The following ZFP37 variants were observed in gnomAD, a reference collection of about 807,000 sequenced individuals.
The protein encoded by ZFP37 is zinc finger protein 37 homolog.
In ZFP37, 38 loss-of-function variants were observed where a neutral mutation model predicts 52.1. The observed-to-expected ratio is 0.73, with a 90% confidence interval of 0.56 to 0.96. The LOEUF (loss-of-function observed/expected upper bound fraction) is 0.96, where lower values mean the gene tolerates loss of function less well. Ranked by LOEUF, ZFP37 falls within the 40% of genes least tolerant of loss-of-function variation. The pLI is 0.00. For missense variants in ZFP37, 695 were observed against 741.4 expected (o/e 0.94, Z 0.73); for synonymous variants, 253 against 259.5 (o/e 0.98, Z 0.24).
rs777271341 is a variant in ZFP37, at chr9:113,040,631, A to G, written c.*2094T>C. ...AATGATAAATATTTGTAAAGATGGC[A>G]TTTAAGCACATATTTCTTTGGGGCC... On this transcript the variant is annotated 3_prime_UTR_variant, in exon 4 of 4. Transcript: ENST00000374227. 6.6e-6 allele frequency: 1 copy of G among 152,232 alleles called. No individual in the cohort carries two copies. Among genetic ancestry groups the G allele is most frequent in the Non-Finnish European group, 1.5e-5 (1 of 68,034 alleles). The allele number at this position is 152,232 out of a possible 1,614,324, so 9.4% of individuals were successfully genotyped here. A position where few individuals can be genotyped will look rare whatever the true frequency, so the allele number is the denominator to read the frequency against.
chr9:113,040,946 T>C lies in ZFP37; in HGVS notation c.*1779A>G, dbSNP rs1451703088. On this transcript the variant is annotated 3_prime_UTR_variant, in exon 4 of 4. Coordinates refer to ENST00000374227, the MANE Select transcript of ZFP37 (RefSeq NM_003408.3). The stretch of plus-strand genomic sequence containing the variant: ...ATTTCAAAATAGTTCAGAAGTTTTG[T>C]GCATTTTTTGTATTTCTTTTTTTTG... 1 of 151,526 alleles carries C rather than the reference T, an allele frequency of 6.6e-6. No individual in the cohort carries two copies. The highest frequency in any genetic ancestry group is 1.5e-5 in the Non-Finnish European group (1 of 67,992). The allele number at this position is 151,526 out of a possible 1,614,324, so 9.4% of individuals were successfully genotyped here. A position where few individuals can be genotyped will look rare whatever the true frequency, so the allele number is the denominator to read the frequency against.
In ZFP37 at chr9:113,043,994, G is replaced by C; in HGVS notation, c.624C>G (p.His208Gln). 1 of 1,614,012 alleles carries C rather than the reference G, an allele frequency of 6.2e-7. No individual in the cohort carries two copies. ...VKRKSDAAKE[H>Q]KKSFNHSLSD... ...ATAAGCTATGGTTGAATGACTTCTT[G>C]TGTTCTTTAGCTGCATCAGATTTCC... The change falls in exon 4 of 4, where the codon CAC (histidine) becomes CAG (glutamine). Residue 208 changes from histidine to glutamine, a missense_variant. Coordinates refer to ENST00000374227, the MANE Select transcript of ZFP37 (RefSeq NM_003408.3).
At chr9:113,050,862 T>C (rs1307399345) in intron 1 of ZFP37, among the ~76,000 whole-genome samples, 1 of 150,494 alleles carries the variant, frequency 6.6e-6, no homozygotes, top group East Asian at 1.9e-4. Flanking sequence ...AAGCCATTGC[T>C]CTCCAGCCTG....
intron 3 of ZFP37, among the ~76,000 whole-genome samples, chr9:113,046,203 GATAT>G (rs1266737591): frequency 9.2e-6 from 1 of 108,420 alleles, no homozygotes; most frequent in Non-Finnish European, 1.8e-5. Context: ...TATGTAGACA[GATAT>G]ATATCTATAT....
At position 113,042,728 on chromosome 9, in the gene ZFP37, C is replaced by T. The variant is rs142225764; in HGVS notation, c.1890G>A (p.Glu630=). 2,172 of 1,552,802 alleles carry T rather than the reference C, an allele frequency of 1.4e-3. 21 individuals carry two copies. The African/African-American group carries it at 0.026, about 19-fold the overall frequency. Residue 630 remains glutamate (E), a synonymous_variant, in exon 4 of 4, where the codon GAG becomes GAA. Transcript: ENST00000374227. ...VKTHSEDKSH[E] is the part of the protein sequence containing the mutation. ...TAACAAATTTCCCACATTAACTTCA[C>T]TCATGAGATTTATCTTCTGAATGAG... is the stretch of plus-strand genomic sequence containing the variant.
chr9:113,038,828 C>T lies in ZFP37; in HGVS notation c.*3897G>A, dbSNP rs1473800851. The T allele has an allele frequency of 6.6e-6, 1 of 151,968 alleles. No homozygotes were observed. Among genetic ancestry groups the T allele is most frequent in the African/African-American group, 2.4e-5 (1 of 41,372 alleles). The allele number at this position is 151,968 out of a possible 1,614,324, so 9.4% of individuals were successfully genotyped here. On this transcript the variant is annotated 3_prime_UTR_variant, in exon 4 of 4. Transcript: ENST00000374227. Reference sequence around the variant, plus strand: ...GAAAGATTCAATTTCCTCAAGCCACCTGAAACTAGGTGTGGTCATGTGACT... The same window carrying T: ...GAAAGATTCAATTTCCTCAAGCCACTTGAAACTAGGTGTGGTCATGTGACT...
intron 1 of ZFP37, among the ~76,000 whole-genome samples, chr9:113,053,100 T>G (rs1463400872): frequency 6.6e-6 from 1 of 152,154 alleles, no homozygotes; most frequent in Non-Finnish European, 1.5e-5. Flanking sequence ...TTATCTGCAC[T>G]TACACCTTGC....
Position 113,043,337 on chromosome 9 carries a change from A to G in ZFP37, c.1281T>C (p.His427=), listed in dbSNP as rs753025605. The change falls in exon 4 of 4, where the codon CAT becomes CAC. Residue 427 remains histidine, a synonymous_variant. Transcript: ENST00000374227. ...NSSLTEHVRT[H]TGEIPYECNE... is the part of the protein sequence containing the mutation. Reference sequence around the variant, plus strand: ...TGCATTCATATGGTATTTCACCTGTATGTGTTCTCACATGTTCGGTAAGAG... The same window carrying G: ...TGCATTCATATGGTATTTCACCTGTGTGTGTTCTCACATGTTCGGTAAGAG... 9.3e-6 allele frequency: 15 copies of G among 1,613,980 alleles called. No homozygotes were observed. The Admixed American group carries it at 2.5e-4, about 27-fold the overall frequency.
chr9:113,056,441 C>G, intron 1 of ZFP37, 116 bp downstream of exon 1: 1 of 1,512,828 alleles, frequency 6.6e-7, no homozygotes, highest in Non-Finnish European at 8.9e-7. Flanking sequence ...AAAAGACCAT[C>G]TAGCATCGAT....
At position 113,043,034 on chromosome 9, in the gene ZFP37, T is replaced by G; in HGVS notation, c.1584A>C (p.Gln528His). ...ECNQCGKGFK[Q>H]IEGLTQHQRV... ...TCTGATGTTGAGTAAGGCCTTCAAT[T>G]TGTTTAAAGCCTTTCCCACATTGAT... The change falls in exon 4 of 4, where the codon CAA (glutamine) becomes CAC (histidine). Residue 528 changes from glutamine to histidine, a missense_variant. By Grantham distance (24) the Gln-to-His change is conservative. This residue lies in a region of ZFP37 where 326 missense variants were observed against 400.5 expected (regional missense o/e 0.81). Coordinates refer to ENST00000374227, the MANE Select transcript of ZFP37 (RefSeq NM_003408.3). The G allele has an allele frequency of 6.2e-7, 1 of 1,613,690 alleles. No individual in the cohort carries two copies. The highest frequency in any genetic ancestry group is 8.5e-7 in the Non-Finnish European group (1 of 1,179,932).
intron 1 of ZFP37, among the ~76,000 whole-genome samples, chr9:113,053,871 C>G (rs1486608419): frequency 6.6e-6 from 1 of 152,210 alleles, no homozygotes; most frequent in Non-Finnish European, 1.5e-5. Flanking sequence ...GCAAGTACCT[C>G]TTTCTGTTTT....
At chr9:113,047,862 TTAAG>T (rs1377196128) in intron 3 of ZFP37, among the ~76,000 whole-genome samples, 2 of 152,196 alleles carry the variant, frequency 1.3e-5, no homozygotes, top group Non-Finnish European at 2.9e-5. Flanking sequence ...AAGCTGTTGT[TTAAG>T]TAGGTCAAAT....
rs1828910574 is a variant in ZFP37 at position 113,044,134 on chromosome 9, TA to T, written c.483del (p.Asn161LysfsTer24). On this transcript the variant is annotated frameshift_variant, in exon 4 of 4. Transcript: ENST00000374227. LOFTEE classifies it high-confidence loss of function. ...GSDCGSLGKK[N>X]NLHKKHVPSK... ...GAAGGAACATGTTTTTTATGCAAATTATTTTTTTTCCCCAGTGAACCACAGT... is the reference window on the plus strand; with the variant it reads ...GAAGGAACATGTTTTTTATGCAAATTTTTTTTTTCCCCAGTGAACCACAGT... 1 of 1,611,806 alleles carries T rather than the reference TA, an allele frequency of 6.2e-7. No homozygotes were observed. The highest frequency in any genetic ancestry group is 8.5e-7 in the Non-Finnish European group (1 of 1,179,490).
chr9:113,049,515 A>C lies in ZFP37; in HGVS notation c.215-19T>G, dbSNP rs1308255275. On this transcript the variant is annotated intron_variant, in intron 2 of 3. Coordinates refer to ENST00000374227, the MANE Select transcript of ZFP37 (RefSeq NM_003408.3). The stretch of plus-strand genomic sequence containing the variant: ...TGACACCCTGCTCATGAGAAATAGC[A>C]GAAACTGAGTGTTAGAACAACCATC... 1.2e-6 allele frequency: 2 copies of C among 1,606,816 alleles called. No individual in the cohort carries two copies. The highest frequency in any genetic ancestry group is 1.7e-6 in the Non-Finnish European group (2 of 1,175,650).
intron 3 of ZFP37, among the ~76,000 whole-genome samples, chr9:113,045,963 A>G (rs967284462): frequency 3.9e-5 from 6 of 152,154 alleles, no homozygotes; most frequent in Non-Finnish European, 2.9e-5. Flanking sequence ...GGAAGTGAAT[A>G]GCCACCTTGA....
At position 113,044,219 on chromosome 9, in the gene ZFP37, G is replaced by T; in HGVS notation, c.399C>A (p.Asn133Lys). Residue 133 changes from asparagine (N) to lysine (K), a missense_variant, in exon 4 of 4, where the codon AAC becomes AAA. Physicochemically the swap from Asn to Lys is moderately conservative, Grantham distance 94 (BLOSUM62 0). Coordinates refer to ENST00000374227, the MANE Select transcript of ZFP37 (RefSeq NM_003408.3). The stretch of plus-strand genomic sequence containing the variant: ...TGACTGCAACTTCCCTGAGGAGTTT[G>T]TTTTGAGATTTCTGGATATTTTCAA... ...DQLENIQKSQ[N>K]KLLREVAVKK... 6.3e-7 allele frequency: 1 copy of T among 1,577,998 alleles called. No homozygotes were observed. The highest frequency in any genetic ancestry group is 8.6e-7 in the Non-Finnish European group (1 of 1,169,304).
At chr9:113,046,270 G>T (rs891254330) in intron 3 of ZFP37, among the ~76,000 whole-genome samples, 31 of 142,602 alleles carry the variant, frequency 2.2e-4, no homozygotes, top group Non-Finnish European at 2.9e-4. Flanking sequence ...ATATATACAG[G>T]CAGATATATA....
intron 3 of ZFP37, 76 bp downstream of exon 3, chr9:113,049,284 AAG>A: frequency 6.8e-7 from 1 of 1,479,290 alleles, no homozygotes; most frequent in Non-Finnish European, 9.2e-7. Context: ...TTTTCTAGTT[AAG>A]AAAGAAAGGT....
Position 113,052,188 on chromosome 9 carries a change from T to C in ZFP37, c.133-2316A>G, listed in dbSNP as rs1829068815. ...TCTTTAGCCACTCCCTTCATTTGCA[T>C]GCTTCACCTGAAATCTACCTGTCTC... On this transcript the variant is annotated intron_variant, in intron 1 of 3. Coordinates refer to ENST00000374227, the MANE Select transcript of ZFP37 (RefSeq NM_003408.3). This position sits in a 1 kb window ranked among gnomAD's most constrained non-coding sequence, Gnocchi z 4.1. 6.6e-6 allele frequency among the ~76,000 whole-genome samples: 1 copy of C among 152,192 alleles called. No individual in the cohort carries two copies. The highest frequency in any genetic ancestry group is 1.5e-5 in the Non-Finnish European group (1 of 68,022).
Sources: gnomAD v4.1 joint callset for allele counts (sites outside exome capture counted in the v4.1 genomes callset) on GRCh38, gnomAD v4.1.1 for gene constraint, gnomAD v4.1.1 regional missense constraint, Gnocchi (gnomAD v3.1) non-coding constraint, MANE v1.5 for transcripts, NCBI Gene and HGNC (gene_info 2026-07-23, HGNC 2026-07-21) for gene names.